The following ZNF516 variants were observed in gnomAD, a reference collection of about 807,000 sequenced individuals.
ZNF516 encodes the protein zinc finger protein 516.
Under a neutral mutation model 79.7 loss-of-function variants are expected in ZNF516, and 19 were observed. The ratio of observed to expected loss-of-function variants is 0.24; its 90% confidence interval spans 0.17 to 0.35. The LOEUF is 0.35. Among genes scored for constraint, ZNF516 ranks in the 10% least tolerant of loss-of-function variants. The pLI, the probability that ZNF516 is intolerant of heterozygous loss-of-function variation, is 1.00. For missense variants in ZNF516, 1,678 were observed against 1,679.5 expected (o/e 1.00, Z 0.02); for synonymous variants, 877 against 739.5 (o/e 1.19, Z -3.02).
chr18:76,449,767 G>A (rs1043947354), intron 2 of ZNF516, among the ~76,000 whole-genome samples: 3 of 152,198 alleles, frequency 2.0e-5, no homozygotes, highest in African/African-American at 7.2e-5. Context: ...CTTGGTCACT[G>A]GCAATGACAA....
At chr18:76,372,250 T>C (rs1376699565) in intron 4 of ZNF516, among the ~76,000 whole-genome samples, 2 of 152,254 alleles carry the variant, frequency 1.3e-5, no homozygotes, top group African/African-American at 4.8e-5. Flanking sequence ...GCTTTGTGTT[T>C]CCTTCTGATC....
At chr18:76,407,886 A>T (rs1183034736) in intron 3 of ZNF516, among the ~76,000 whole-genome samples, 1 of 152,202 alleles carries the variant, frequency 6.6e-6, no homozygotes, top group African/African-American at 2.4e-5. Context: ...TCTGAGCTGC[A>T]GCCCAGCCAG....
intron 3 of ZNF516, chr18:76,385,984 C>CATGCT (rs1431870108): frequency 5.2e-5 from 8 of 152,450 alleles, no homozygotes; most frequent in Non-Finnish European, 1.2e-4. Context: ...AACGCATCCC[C>CATGCT]ATGCTCTCTC....
chr18:76,479,481 T>C (rs1914370933), intron 1 of ZNF516, among the ~76,000 whole-genome samples: 1 of 152,194 alleles, frequency 6.6e-6, no homozygotes, highest in Non-Finnish European at 1.5e-5. Context: ...AAGGTGTCCC[T>C]GGGGCACGGT....
rs1173247614 is a variant in ZNF516 at position 76,467,563 on chromosome 18, G to T, written c.-271-4422C>A. 6.6e-6 allele frequency among the ~76,000 whole-genome samples: 1 copy of T among 152,196 alleles called. No individual in the cohort carries two copies. The highest frequency in any genetic ancestry group is 1.5e-5 in the Non-Finnish European group (1 of 68,024). ...TGCAAGTAAGTGCTCAGTCAAGGAGGGGACAAGGCTTCGGAGGCTGGTGGT... is the reference window on the plus strand; with the variant it reads ...TGCAAGTAAGTGCTCAGTCAAGGAGTGGACAAGGCTTCGGAGGCTGGTGGT... On this transcript the variant is annotated intron_variant, in intron 1 of 6. Transcript: ENST00000443185. This position sits in a 1 kb window ranked among gnomAD's most constrained non-coding sequence, Gnocchi z 4.2.
At chr18:76,430,642 C>T (rs576033548) in intron 3 of ZNF516, among the ~76,000 whole-genome samples, 175 of 152,182 alleles carry the variant, frequency 1.1e-3, no homozygotes, top group Middle Eastern at 3.4e-3. Context: ...CAAATGGCAC[C>T]GTGGAATTAT....
chr18:76,380,205 T>C lies in ZNF516; in HGVS notation c.1909A>G (p.Arg637Gly), dbSNP rs1254085696. 3 of 1,614,036 alleles carry C rather than the reference T, an allele frequency of 1.9e-6. No individual in the cohort carries two copies. Among genetic ancestry groups the C allele is most frequent in the Non-Finnish European group, 2.5e-6 (3 of 1,179,896 alleles). ...SHKMGDNASE[R>G]DTGESKAGIA... Reference sequence around the variant, plus strand: ...CCTGCCTTGGACTCGCCGGTGTCTCTTTCCGAGGCGTTATCTCCCATCTTG... The same window carrying C: ...CCTGCCTTGGACTCGCCGGTGTCTCCTTCCGAGGCGTTATCTCCCATCTTG... The change falls in exon 4 of 7, where the codon AGA (arginine) becomes GGA (glycine). Residue 637 changes from arginine (R) to glycine (G), a missense_variant. Coordinates refer to ENST00000443185, the MANE Select transcript of ZNF516 (RefSeq NM_014643.4).
chr18:76,434,402 A>G (rs1320142321), intron 3 of ZNF516, among the ~76,000 whole-genome samples: 1 of 152,250 alleles, frequency 6.6e-6, no homozygotes, highest in Non-Finnish European at 1.5e-5. Flanking sequence ...GGAGAATTAA[A>G]GTAAAGAAGT....
intron 6 of ZNF516, among the ~76,000 whole-genome samples, chr18:76,366,415 T>C (rs1167668645): frequency 2.0e-5 from 3 of 152,256 alleles, no homozygotes; most frequent in Non-Finnish European, 2.9e-5. Context: ...TATGCCTATC[T>C]TGACAACACT....
chr18:76,379,596 C>G lies in ZNF516; in HGVS notation c.2518G>C (p.Val840Leu). Residue 840 changes from valine (V) to leucine (L), a missense_variant, in exon 4 of 7, where the codon GTG becomes CTG. Around this residue, in one of 5 missense-constraint regions of ZNF516, gnomAD observed 1,294 missense variants for 1,248.3 expected, o/e 1.04. Coordinates refer to ENST00000443185, the MANE Select transcript of ZNF516 (RefSeq NM_014643.4). ...TTGGACCCCGGCATCCCCCCTGGCA[C>G]CTGAGTGCGGGTGAACCGAGCAAGG... Reference protein sequence around the residue: ...LLLARFTRTQVPGGMPGSKSG... With the variant: ...LLLARFTRTQLPGGMPGSKSG... 6.2e-7 allele frequency: 1 copy of G among 1,613,640 alleles called. No homozygotes were observed. The highest frequency in any genetic ancestry group is 8.5e-7 in the Non-Finnish European group (1 of 1,179,902).
intron 6 of ZNF516, among the ~76,000 whole-genome samples, chr18:76,368,549 C>T (rs936089372): frequency 2.0e-5 from 3 of 151,900 alleles, no homozygotes; most frequent in African/African-American, 7.3e-5. Flanking sequence ...TTCACACCAA[C>T]AGTTAATACA....
intron 3 of ZNF516, among the ~76,000 whole-genome samples, chr18:76,383,880 A>G (rs2074935545): frequency 6.6e-6 from 1 of 152,224 alleles, no homozygotes; most frequent in South Asian, 2.1e-4. Context: ...GTTGGTTGAC[A>G]AGGGCCCTCC....
At chr18:76,461,097 G>T (rs985966974) in intron 2 of ZNF516, among the ~76,000 whole-genome samples, 8 of 152,180 alleles carry the variant, frequency 5.3e-5, no homozygotes, top group African/African-American at 1.9e-4. Context: ...CAGGACAATC[G>T]CTTGAACCCG....
rs73978112 is a variant in ZNF516, at chr18:76,401,545, C to T, written c.1811-21242G>A. On this transcript the variant is annotated intron_variant, in intron 3 of 6. Transcript: ENST00000443185. ...ACAAGAGGCCAAGCCTAAGTCCGTCCCTCTCCGCCCACGGGCTTCTCCGAG... is the reference window on the plus strand; with the variant it reads ...ACAAGAGGCCAAGCCTAAGTCCGTCTCTCTCCGCCCACGGGCTTCTCCGAG... Among the ~76,000 whole-genome samples the T allele has an allele frequency of 9.9e-3, 1,503 of 152,154 alleles. 21 individuals carry two copies. The highest frequency in any genetic ancestry group is 0.035 in the African/African-American group (1,441 of 41,498).
intron 6 of ZNF516, among the ~76,000 whole-genome samples, chr18:76,366,672 C>A (rs2074617068): frequency 6.6e-6 from 1 of 151,900 alleles, no homozygotes; most frequent in African/African-American, 2.4e-5. Flanking sequence ...GTGCTCACCA[C>A]AGAAAGGCTC....
At chr18:76,405,960 T>C (rs900137441) in intron 3 of ZNF516, among the ~76,000 whole-genome samples, 3 of 152,074 alleles carry the variant, frequency 2.0e-5, no homozygotes, top group African/African-American at 7.2e-5. Flanking sequence ...GATCCACCTC[T>C]GATACACTGA....
chr18:76,492,826 C>T (rs1915313164), intron 1 of ZNF516: 22 of 986,020 alleles, frequency 2.2e-5, no homozygotes, highest in Non-Finnish European at 2.5e-5. Context: ...GGAGGCGCTC[C>T]GTGGGGGCTG....
chr18:76,422,538 G>C (rs1389640360), intron 3 of ZNF516, among the ~76,000 whole-genome samples: 1 of 152,206 alleles, frequency 6.6e-6, no homozygotes, highest in Non-Finnish European at 1.5e-5. Context: ...AAGGCTATAA[G>C]AGAAGTAGGA....
Position 76,461,836 on chromosome 18 carries a change from G to A in ZNF516, c.-158+1192C>T, listed in dbSNP as rs984691123. ...ATCAGATGGTCAACAGGTATCCCCC[G>A]AGTGCCCGCCATGGGCCGGACCAGC... On this transcript the variant is annotated intron_variant, in intron 2 of 6. Coordinates refer to ENST00000443185, the MANE Select transcript of ZNF516 (RefSeq NM_014643.4). Among the ~76,000 whole-genome samples, 32 of 152,316 alleles carry A rather than the reference G, an allele frequency of 2.1e-4. 1 individual carries two copies. The highest frequency in any genetic ancestry group is 4.1e-4 in the South Asian group (2 of 4,824).
Sources: allele counts gnomAD v4.1 joint callset (sites outside exome capture counted in the v4.1 genomes callset), GRCh38; gene constraint gnomAD v4.1.1; regional missense constraint gnomAD v4.1.1; non-coding constraint Gnocchi (gnomAD v3.1); transcripts MANE v1.5; gene names NCBI Gene and HGNC (gene_info 2026-07-23, HGNC 2026-07-21).